Variants in GRIA4 observed in about 807,000 individuals in gnomAD.
The protein encoded by GRIA4 is glutamate receptor 4.
GRIA4 carries 34 observed loss-of-function variants against 104.0 expected under a neutral mutation model. The ratio of observed to expected loss-of-function variants is 0.33; its 90% CI spans 0.25 to 0.44. GRIA4 has a LOEUF of 0.44. Among genes scored for constraint, GRIA4 ranks in the 20% least tolerant of loss-of-function variants. GRIA4 has a pLI of 1.00. For missense variants in GRIA4, 750 were observed against 1,096.5 expected (o/e 0.68, Z 4.46); for synonymous variants, 386 against 381.9 (o/e 1.01, Z -0.13).
rs544817405 is a variant in GRIA4, at chr11:105,931,442, G to A, written c.2047-2280G>A. On this transcript the variant is annotated intron_variant, in intron 13 of 16. Coordinates refer to ENST00000282499, the MANE Select transcript of GRIA4 (RefSeq NM_000829.4). The stretch of plus-strand genomic sequence containing the variant: ...TTACTGGCCAGGTGTGGTGGCTCAC[G>A]CCTGAAATCCTAACACTTTGGGAGG... Among the ~76,000 whole-genome samples, 8 of 152,048 alleles carry A rather than the reference G, an allele frequency of 5.3e-5. No homozygotes were observed. In the South Asian group the frequency reaches 8.3e-4, roughly 16 times the overall value.
At chr11:105,725,093 G>C (rs1435538589) in intron 3 of GRIA4, among the ~76,000 whole-genome samples, 2 of 152,050 alleles carry the variant, frequency 1.3e-5, no homozygotes, top group Admixed American at 1.3e-4. Context: ...TATAGGATTT[G>C]TATGAGGATT....
At chr11:105,735,284 T>C (rs1938863594) in intron 3 of GRIA4, among the ~76,000 whole-genome samples, 2 of 152,112 alleles carry the variant, frequency 1.3e-5, no homozygotes, top group Non-Finnish European at 2.9e-5. Context: ...TAGTGAACCA[T>C]GGATGTTTGT....
intron 4 of GRIA4, among the ~76,000 whole-genome samples, chr11:105,796,346 C>T (rs1165292347): frequency 6.6e-6 from 1 of 152,134 alleles, no homozygotes; most frequent in Non-Finnish European, 1.5e-5. Context: ...GAATCTGAAA[C>T]ATGATACAAC....
At chr11:105,848,464 CCA>C (rs1170702197) in intron 4 of GRIA4, among the ~76,000 whole-genome samples, 1 of 152,010 alleles carries the variant, frequency 6.6e-6, no homozygotes, top group African/African-American at 2.4e-5. Context: ...TTTTCTGTCC[CCA>C]GAGTGTAATG....
chr11:105,870,494 C>T (rs1346691287), intron 5 of GRIA4, among the ~76,000 whole-genome samples: 1 of 147,802 alleles, frequency 6.8e-6, no homozygotes, highest in Non-Finnish European at 1.5e-5. Context: ...ACTCTGAATG[C>T]AAAGAAAAAC....
chr11:105,711,049 T>C (rs1044137632), intron 3 of GRIA4, among the ~76,000 whole-genome samples: 3 of 152,096 alleles, frequency 2.0e-5, no homozygotes, highest in Non-Finnish European at 4.4e-5. Flanking sequence ...TAGTGAATCA[T>C]TGCTAAAGCA....
intron 4 of GRIA4, among the ~76,000 whole-genome samples, chr11:105,756,771 T>C (rs966984955): frequency 3.3e-5 from 5 of 149,828 alleles, no homozygotes; most frequent in Middle Eastern, 7.0e-3. Flanking sequence ...AAAAAAAAAA[T>C]CTCATCAAGA....
intron 3 of GRIA4, among the ~76,000 whole-genome samples, chr11:105,656,077 T>C (rs1226062126): frequency 2.0e-5 from 3 of 152,208 alleles, no homozygotes; most frequent in Non-Finnish European, 4.4e-5. Flanking sequence ...ATTTCTCTCA[T>C]GACCAGTGAT....
intron 4 of GRIA4, among the ~76,000 whole-genome samples, chr11:105,764,315 T>C (rs1057061137): frequency 4.6e-5 from 7 of 152,112 alleles, no homozygotes; most frequent in African/African-American, 1.7e-4. Context: ...TTTTTTGTAT[T>C]TTTAGAGTAG....
At chr11:105,904,891 T>A (rs757741213) in intron 8 of GRIA4, among the ~76,000 whole-genome samples, 4 of 152,114 alleles carry the variant, frequency 2.6e-5, no homozygotes, top group African/African-American at 7.2e-5. Flanking sequence ...CCATAAAAAA[T>A]TGCCATTCCT....
chr11:105,668,692 T>TTTTA (rs1952259823), intron 3 of GRIA4, among the ~76,000 whole-genome samples: 1 of 150,500 alleles, frequency 6.6e-6, no homozygotes, highest in Admixed American at 6.6e-5. Flanking sequence ...TTTTTTTTTT[T>TTTTA]GAGATAGAGT....
intron 14 of GRIA4, among the ~76,000 whole-genome samples, chr11:105,936,344 A>C (rs1948034317): frequency 6.6e-6 from 1 of 152,168 alleles, no homozygotes; most frequent in African/African-American, 2.4e-5. Context: ...AGTCTTTGAA[A>C]CCTTTCTGTC....
intron 4 of GRIA4, among the ~76,000 whole-genome samples, chr11:105,817,370 CT>C (rs1943420444): frequency 6.7e-6 from 1 of 149,940 alleles, no homozygotes; most frequent in South Asian, 2.1e-4. Context: ...AGTGAAAAAA[CT>C]TATTGTGGTG....
chr11:105,910,472 T>A lies in GRIA4; in HGVS notation c.1196T>A (p.Ile399Asn). The change falls in exon 10 of 17, where the codon ATT (isoleucine) becomes AAT (asparagine). Residue 399 changes from isoleucine (I) to asparagine (N), a missense_variant. Ile to Asn is a moderately radical substitution (Grantham distance 149). Around this residue, in one of 3 missense-constraint regions of GRIA4, gnomAD observed 410 missense variants for 502.7 expected, o/e 0.82. Coordinates refer to ENST00000282499, the MANE Select transcript of GRIA4 (RefSeq NM_000829.4). ...YWNDMDKLVL[I>N]QDVPTLGNDT... Reference sequence around the variant, plus strand: ...AATGATATGGATAAGTTAGTCTTGATTCAAGATGTACCAACTCTTGGCAAT... The same window carrying A: ...AATGATATGGATAAGTTAGTCTTGAATCAAGATGTACCAACTCTTGGCAAT... 1 of 1,599,602 alleles carries A rather than the reference T, an allele frequency of 6.3e-7. No individual in the cohort carries two copies. The highest frequency in any genetic ancestry group is 8.6e-7 in the Non-Finnish European group (1 of 1,166,886).
intron 14 of GRIA4, among the ~76,000 whole-genome samples, chr11:105,935,085 A>C (rs988745659): frequency 2.0e-5 from 3 of 152,182 alleles, no homozygotes; most frequent in Non-Finnish European, 4.4e-5. Flanking sequence ...TCAAAAGGGT[A>C]ACTGCAATGT....
At chr11:105,800,132 A>G (rs552442146) in intron 4 of GRIA4, among the ~76,000 whole-genome samples, 35 of 152,232 alleles carry the variant, frequency 2.3e-4, no homozygotes, top group Non-Finnish European at 4.9e-4. Flanking sequence ...TTCTAGTGGG[A>G]TCAAAGGATT....
chr11:105,853,760 C>A (rs1184654027), intron 4 of GRIA4, among the ~76,000 whole-genome samples: 1 of 152,012 alleles, frequency 6.6e-6, no homozygotes, highest in Non-Finnish European at 1.5e-5. Context: ...GAAAAGCAAA[C>A]AATCAACACT....
chr11:105,891,924 C>G (rs567784372), intron 6 of GRIA4, among the ~76,000 whole-genome samples: 12 of 152,214 alleles, frequency 7.9e-5, no homozygotes, highest in African/African-American at 2.6e-4. Flanking sequence ...TGCTTATCCT[C>G]TAGCACCCAG....
At chr11:105,687,487 T>C (rs1952921033) in intron 3 of GRIA4, among the ~76,000 whole-genome samples, 1 of 152,184 alleles carries the variant, frequency 6.6e-6, no homozygotes, top group African/African-American at 2.4e-5. Context: ...ACCAGGAAGA[T>C]TCTGTGAGGA....
Sources: allele counts gnomAD v4.1 joint callset (sites outside exome capture counted in the v4.1 genomes callset), GRCh38; gene constraint gnomAD v4.1.1; regional missense constraint gnomAD v4.1.1; transcripts MANE v1.5; gene names NCBI Gene and HGNC (gene_info 2026-07-23, HGNC 2026-07-21).